Variants in EML6 observed in about 807,000 individuals in gnomAD.
EML6 encodes echinoderm microtubule-associated protein-like 6.
EML6 carries 154 observed loss-of-function variants against 240.1 expected under a neutral mutation model. The observed-to-expected ratio is 0.64, with a 90% CI of 0.56 to 0.73. The LOEUF is 0.73. EML6 is among the 30% of genes least tolerant of loss of function. The pLI, the probability that EML6 is intolerant of heterozygous loss-of-function variation, is 0.00. For synonymous variants in EML6, 1,148 were observed against 899.0 expected (o/e 1.28, Z -4.95); for missense variants, 2,964 against 2,474.6 (o/e 1.20, Z -4.20).
At chr2:54,928,838 A>T in intron 28 of EML6, 87 bp downstream of exon 28, 1 of 1,475,238 alleles carries the variant, frequency 6.8e-7, no homozygotes. Context: ...TTGCCCTCAA[A>T]GTTGCTGTTT....
chr2:54,836,770 T>G (rs1275752821), intron 7 of EML6, among the ~76,000 whole-genome samples: 1 of 152,148 alleles, frequency 6.6e-6, no homozygotes, highest in Non-Finnish European at 1.5e-5. Context: ...TTCCTAATCG[T>G]TTTTTAGCAA....
intron 11 of EML6, among the ~76,000 whole-genome samples, chr2:54,856,927 G>C (rs1670412792): frequency 1.3e-5 from 2 of 152,152 alleles, no homozygotes; most frequent in Non-Finnish European, 2.9e-5. Context: ...AAAGATACTA[G>C]GAAGAGATAC....
At chr2:54,750,320 A>G (rs988049727) in intron 2 of EML6, among the ~76,000 whole-genome samples, 3 of 152,062 alleles carry the variant, frequency 2.0e-5, no homozygotes, top group Non-Finnish European at 4.4e-5. Context: ...ATAGCTACTT[A>G]CTCACCAGCC....
rs531256146 is a variant in EML6, at chr2:54,774,597, T to TAA, written c.198-38632_198-38631dup. 1.2e-4 allele frequency among the ~76,000 whole-genome samples: 19 copies of TAA among 152,338 alleles called. No individual in the cohort carries two copies. In the South Asian group the frequency reaches 3.9e-3, roughly 32 times the overall value. ...GGGTGGTTGTAAGGATCAAATAAAA[T>TAA]AAAACATAGAGGTCCTTTTGCAAGA... On this transcript the variant is annotated intron_variant, in intron 2 of 41. Transcript: ENST00000356458. The surrounding 1 kb of genome is among the most constrained non-coding windows in gnomAD (Gnocchi z 4.1).
intron 28 of EML6, among the ~76,000 whole-genome samples, chr2:54,948,308 G>A (rs373985136): frequency 7.9e-5 from 12 of 152,296 alleles, no homozygotes; most frequent in South Asian, 4.1e-4. Context: ...AGTGGGAGGC[G>A]GGAGTGCTGT....
At chr2:54,780,171 A>G (rs991450715) in intron 2 of EML6, among the ~76,000 whole-genome samples, 4 of 152,200 alleles carry the variant, frequency 2.6e-5, no homozygotes, top group African/African-American at 7.2e-5. Context: ...ACAGTTTTTT[A>G]CTATTACAAA....
chr2:54,930,033 C>A (rs568178380), intron 28 of EML6, among the ~76,000 whole-genome samples: 1 of 152,204 alleles, frequency 6.6e-6, no homozygotes, highest in African/African-American at 2.4e-5. Flanking sequence ...AATAGGCCTC[C>A]CACTTAAATA....
chr2:54,793,780 T>A (rs970981927), intron 2 of EML6, among the ~76,000 whole-genome samples: 1 of 152,106 alleles, frequency 6.6e-6, no homozygotes, highest in Non-Finnish European at 1.5e-5. Context: ...GGGGCAGCAG[T>A]GGCAGAACTT....
intron 21 of EML6, 72 bp from the exon 22 acceptor site, chr2:54,899,568 TA>T (rs1301635294): frequency 6.9e-7 from 1 of 1,448,744 alleles, no homozygotes; most frequent in African/African-American, 1.4e-5. Context: ...ACTGAATATG[TA>T]GCACCAGGCT....
At chr2:54,783,062 G>C (rs547579729) in intron 2 of EML6, among the ~76,000 whole-genome samples, 1 of 152,244 alleles carries the variant, frequency 6.6e-6, no homozygotes, top group South Asian at 2.1e-4. Context: ...CTACGTGGTA[G>C]GGAAGTTAAT....
intron 21 of EML6, among the ~76,000 whole-genome samples, chr2:54,898,235 G>C (rs1199526015): frequency 1.3e-5 from 2 of 152,100 alleles, no homozygotes; most frequent in Non-Finnish European, 2.9e-5. Flanking sequence ...CTCGCTTACT[G>C]TCCGATCCTG....
intron 26 of EML6, among the ~76,000 whole-genome samples, chr2:54,925,152 A>G (rs1353044098): frequency 2.0e-5 from 3 of 152,102 alleles, no homozygotes; most frequent in South Asian, 4.1e-4. Context: ...CAGTGTCCTT[A>G]TAGAAGAGAT....
At chr2:54,836,115 C>T (rs1223404786) in intron 7 of EML6, among the ~76,000 whole-genome samples, 1 of 152,152 alleles carries the variant, frequency 6.6e-6, no homozygotes, top group Non-Finnish European at 1.5e-5. Context: ...ACTGCAGAGG[C>T]CCGAGCCTCA....
Position 54,829,445 on chromosome 2 carries a change from T to C in EML6, c.815T>C (p.Ile272Thr). 5 of 1,551,924 alleles carry C rather than the reference T, an allele frequency of 3.2e-6. No individual in the cohort carries two copies. The highest frequency in any genetic ancestry group is 4.4e-6 in the Non-Finnish European group (5 of 1,146,810). Residue 272 changes from isoleucine (I) to threonine (T), a missense_variant, in exon 7 of 42, where the codon ATT (isoleucine) becomes ACT (threonine). By Grantham distance (89) the Ile-to-Thr change is moderately conservative (BLOSUM62 -1). Transcript: ENST00000356458. ...ACTGATTTCAAACCAATAACCAAAA[T>C]TGATCTCAGGGAGACAGAACAAGGA... ...WDTDFKPITK[I>T]DLRETEQGYK... is the part of the protein sequence containing the mutation.
intron 25 of EML6, 91 bp from the exon 26 acceptor site, chr2:54,916,668 G>C: frequency 9.4e-7 from 1 of 1,067,186 alleles, no homozygotes; most frequent in South Asian, 2.4e-5. Flanking sequence ...CGTTGGCAAA[G>C]TAATTTAGAA....
chr2:54,896,042 G>A (rs1055406289), intron 21 of EML6, among the ~76,000 whole-genome samples: 9 of 152,204 alleles, frequency 5.9e-5, no homozygotes, highest in African/African-American at 2.2e-4. Context: ...TTATGCAAGA[G>A]TGTGAAAACA....
Position 54,903,085 on chromosome 2 carries a change from G to C in EML6, c.3166G>C (p.Ala1056Pro), listed in dbSNP as rs775002260. 6.4e-7 allele frequency: 1 copy of C among 1,551,822 alleles called. No individual in the cohort carries two copies. The highest frequency in any genetic ancestry group is 1.2e-5 in the South Asian group (1 of 84,068). Residue 1056 changes from alanine to proline, a missense_variant, in exon 23 of 42, where the codon GCG (alanine) becomes CCG (proline). Transcript: ENST00000356458. Reference protein sequence around the residue: ...CAFSPDGKALAVGLNDGSFLV... With the variant: ...CAFSPDGKALPVGLNDGSFLV... ...CTTTTCCCCTGATGGGAAAGCCTTA[G>C]CGGTTGGCTTGAACGATGGGAGTTT...
At chr2:54,783,204 C>T (rs560376286) in intron 2 of EML6, among the ~76,000 whole-genome samples, 2 of 152,282 alleles carry the variant, frequency 1.3e-5, no homozygotes, top group African/African-American at 4.8e-5. Context: ...TTACTGACCT[C>T]ATGTCTTATC....
chr2:54,923,368 C>A (rs947030348), intron 26 of EML6, among the ~76,000 whole-genome samples: 7 of 590 alleles, frequency 0.012, no homozygotes, highest in African/African-American at 0.02. Flanking sequence ...TCACCAAACG[C>A]ACACACACAC....
Sources: gnomAD v4.1 joint callset for allele counts (sites outside exome capture counted in the v4.1 genomes callset) on GRCh38, gnomAD v4.1.1 for gene constraint, Gnocchi (gnomAD v3.1) non-coding constraint, MANE v1.5 for transcripts, NCBI Gene and HGNC (gene_info 2026-07-23, HGNC 2026-07-21) for gene names.